The following TRIO variants were observed in gnomAD, a reference collection of about 807,000 sequenced individuals.
TRIO encodes triple functional domain protein.
TRIO carries 58 observed loss-of-function variants against 351.9 expected under a neutral mutation model. That is an observed-to-expected ratio of 0.16 (90% CI 0.13 to 0.21). TRIO has a LOEUF of 0.21. Among genes scored for constraint, TRIO ranks in the 10% least tolerant of loss-of-function variants. The probability of loss-of-function intolerance (pLI) is 1.00; values close to 1 mark genes in which losing one functional copy is unlikely to be tolerated. For synonymous variants in TRIO, 1,758 were observed against 1,595.7 expected (o/e 1.10, Z -2.42); for missense variants, 3,201 against 4,027.8 (o/e 0.79, Z 5.56).
chr5:14,468,702 C>T (rs56345797), intron 37 of TRIO, among the ~76,000 whole-genome samples: 1 of 152,202 alleles, frequency 6.6e-6, no homozygotes, highest in African/African-American at 2.4e-5. Context: ...CATGTGTTTT[C>T]TTGTGGGTGA....
chr5:14,191,636 G>A lies in TRIO; in HGVS notation c.157+47754G>A, dbSNP rs555422869. On this transcript the variant is annotated intron_variant, in intron 1 of 56. Transcript: ENST00000344204. ...CCACTTATTTTCATCATTAACATAT[G>A]GAATGTAATTTATGATATTTTCTTA... Among the ~76,000 whole-genome samples the A allele has an allele frequency of 5.7e-4, 86 of 152,016 alleles. 1 individual carries two copies. Among genetic ancestry groups the A allele is most frequent in the Non-Finnish European group, 3.2e-4 (22 of 68,004 alleles).
At chr5:14,477,149 A>G (rs1016627916) in intron 41 of TRIO, 186 bp downstream of exon 41, 1 of 565,960 alleles carries the variant, frequency 1.8e-6, no homozygotes, top group Non-Finnish European at 3.0e-6. Flanking sequence ...CTGCTTTCCC[A>G]GTCACCTGGC....
intron 45 of TRIO, among the ~76,000 whole-genome samples, chr5:14,482,263 G>A (rs1561541096): frequency 6.6e-6 from 1 of 152,120 alleles, no homozygotes; most frequent in Non-Finnish European, 1.5e-5. Context: ...CATGCCTGAT[G>A]AGTTCCTGCT....
intron 8 of TRIO, among the ~76,000 whole-genome samples, chr5:14,305,997 A>G (rs73751336): frequency 0.033 from 4,989 of 152,330 alleles, 292 homozygotes; most frequent in African/African-American, 0.11. Flanking sequence ...CCTATAGCCT[A>G]GGTGTGCAGT....
chr5:14,469,955 G>C (rs771910246), intron 37 of TRIO, among the ~76,000 whole-genome samples: 1 of 152,224 alleles, frequency 6.6e-6, no homozygotes, highest in African/African-American at 2.4e-5. Flanking sequence ...CAGCTGTCCA[G>C]GTGGGGGATG....
At chr5:14,242,159 G>A (rs1360583632) in intron 1 of TRIO, among the ~76,000 whole-genome samples, 1 of 152,222 alleles carries the variant, frequency 6.6e-6, no homozygotes, top group Non-Finnish European at 1.5e-5. Flanking sequence ...GCAGAGACAG[G>A]CCTGGAATCC....
chr5:14,298,109 A>G (rs1737523317), intron 7 of TRIO, among the ~76,000 whole-genome samples: 1 of 152,158 alleles, frequency 6.6e-6, no homozygotes, highest in African/African-American at 2.4e-5. Context: ...CACAGTTGAC[A>G]GTGTCTTTCA....
intron 1 of TRIO, among the ~76,000 whole-genome samples, chr5:14,179,973 C>T (rs1440475321): frequency 6.6e-6 from 1 of 151,702 alleles, no homozygotes; most frequent in Non-Finnish European, 1.5e-5. Context: ...TGGTGGCACG[C>T]GCCTATAATC....
chr5:14,277,911 G>A (rs1043953931), intron 2 of TRIO, among the ~76,000 whole-genome samples: 2 of 152,206 alleles, frequency 1.3e-5, no homozygotes, highest in Admixed American at 6.5e-5. Flanking sequence ...TCTATTGGAA[G>A]GTGCACCCTT....
chr5:14,406,418 T>C (rs1748722617), intron 32 of TRIO, 155 bp from the exon 33 acceptor site: 3 of 701,060 alleles, frequency 4.3e-6, no homozygotes, highest in Non-Finnish European at 5.1e-6. Context: ...GCAGAAAGCC[T>C]GTGCTCGGTG....
chr5:14,188,312 G>A (rs79964215), intron 1 of TRIO, among the ~76,000 whole-genome samples: 6,542 of 152,238 alleles, frequency 0.043, 485 homozygotes, highest in African/African-American at 0.15. Context: ...TATTTAATAA[G>A]TGTAATATTT....
rs778818174 is a variant in TRIO, at chr5:14,297,063, A to G, written c.1177-9A>G. ...CCTAAGGAGCCCTCTTTTCCTGCCC[A>G]CTTTCCAGAACGTGTATGTAAATAT... On this transcript the variant is annotated splice_polypyrimidine_tract_variant and intron_variant, in intron 6 of 56. Coordinates refer to ENST00000344204, the MANE Select transcript of TRIO (RefSeq NM_007118.4). 5 of 1,603,546 alleles carry G rather than the reference A, an allele frequency of 3.1e-6. No homozygotes were observed. The South Asian group carries it at 3.3e-5, about 11-fold the overall frequency.
intron 1 of TRIO, among the ~76,000 whole-genome samples, chr5:14,216,995 T>TGCTGGGAACAGCCCA (rs1170588390): frequency 1.3e-5 from 2 of 152,220 alleles, no homozygotes; most frequent in Non-Finnish European, 2.9e-5. Context: ...CAAGGAGGCG[T>TGCTGGGAACAGCCCA]GCTGGGAACA....
At chr5:14,398,724 G>A (rs1747820383) in intron 29 of TRIO, among the ~76,000 whole-genome samples, 156 bp from the exon 30 acceptor site, 1 of 152,206 alleles carries the variant, frequency 6.6e-6, no homozygotes, top group Admixed American at 6.5e-5. Flanking sequence ...CTGTAGGATG[G>A]GTCAGTGGCG....
chr5:14,290,691 C>G (rs376936053), intron 4 of TRIO, 25 bp from the exon 5 acceptor site: 1 of 1,567,058 alleles, frequency 6.4e-7, no homozygotes, highest in Non-Finnish European at 8.6e-7. Context: ...TTCATCTTCT[C>G]ATACGTGATT....
chr5:14,226,901 C>CAGCTCTCCTCCTCCCTGGTTTT (rs1554037067), intron 1 of TRIO, among the ~76,000 whole-genome samples: 122,680 of 151,600 alleles, frequency 0.81, 50,143 homozygotes, highest in East Asian at 0.98. Context: ...TCCCTGGTTT[C>CAGCTCTCCTCCTCCCTGGTTTT]TGCAGCTCTC....
chr5:14,492,572 AAGC>A lies in TRIO; in HGVS notation c.7647_7649del (p.Ser2551del), dbSNP rs1413105628. 6.2e-7 allele frequency: 1 copy of A among 1,614,132 alleles called. No individual in the cohort carries two copies. ...CTTCATCTGTCCCTCTGCAGAGTGA[AAGC>A]AGCAGCAGTAGCAACATCTCCACCA... On this transcript the variant is annotated inframe_deletion, in exon 49 of 57. Coordinates refer to ENST00000344204, the MANE Select transcript of TRIO (RefSeq NM_007118.4).
At chr5:14,215,123 G>C (rs992753562) in intron 1 of TRIO, among the ~76,000 whole-genome samples, 1 of 152,162 alleles carries the variant, frequency 6.6e-6, no homozygotes. Flanking sequence ...AAGCAGCCTA[G>C]ATTTCCTCTA....
At chr5:14,433,717 C>G (rs1254854048) in intron 34 of TRIO, among the ~76,000 whole-genome samples, 2 of 152,090 alleles carry the variant, frequency 1.3e-5, no homozygotes, top group Non-Finnish European at 2.9e-5. Context: ...AATCAAGTCT[C>G]AGAAAACACT....
Sources: gnomAD v4.1 joint callset for allele counts (sites outside exome capture counted in the v4.1 genomes callset) on GRCh38, gnomAD v4.1.1 for gene constraint, MANE v1.5 for transcripts, NCBI Gene and HGNC (gene_info 2026-07-23, HGNC 2026-07-21) for gene names.